Variants in CEP128 observed in about 807,000 individuals in gnomAD.
CEP128 encodes the protein centrosomal protein 128kDa.
A neutral mutation model predicts 156.7 loss-of-function variants in CEP128; 132 were observed. The ratio of observed to expected loss-of-function variants is 0.84; its 90% confidence interval spans 0.73 to 0.97. The LOEUF (loss-of-function observed/expected upper bound fraction) is 0.97. Among genes scored for constraint, CEP128 ranks in the 50% least tolerant of loss-of-function variants. CEP128 has a pLI of 0.00. For synonymous variants in CEP128, 469 were observed against 448.9 expected, an observed-to-expected ratio of 1.04 and a Z score of -0.57; for missense variants, 1,252 against 1,281.9, an observed-to-expected ratio of 0.98 and a Z score of 0.36.
At chr14:80,639,456 C>T (rs1894321480) in intron 19 of CEP128, among the ~76,000 whole-genome samples, 1 of 152,118 alleles carries the variant, frequency 6.6e-6, no homozygotes, top group Admixed American at 6.6e-5. Context: ...TTTAAGACCA[C>T]TGGAATTCTC....
At chr14:80,651,192 G>C (rs1307387647) in intron 19 of CEP128, among the ~76,000 whole-genome samples, 2 of 152,148 alleles carry the variant, frequency 1.3e-5, no homozygotes, top group Non-Finnish European at 2.9e-5. Context: ...AGATTTTCTA[G>C]TTTATTTGCA....
intron 19 of CEP128, among the ~76,000 whole-genome samples, chr14:80,605,404 CAT>C (rs1382591387): frequency 1.7e-4 from 26 of 152,022 alleles, no homozygotes; most frequent in Non-Finnish European, 3.2e-4. Flanking sequence ...ATAATAAAGA[CAT>C]GTGACAAATT....
At chr14:80,499,211 A>G (rs192529434) in intron 24 of CEP128, among the ~76,000 whole-genome samples, 2 of 152,210 alleles carry the variant, frequency 1.3e-5, no homozygotes, top group Non-Finnish European at 2.9e-5. Context: ...GACAGGTTAC[A>G]TATGAAGCAT....
At chr14:80,506,956 T>C (rs1041211762) in intron 23 of CEP128, among the ~76,000 whole-genome samples, 14 of 152,032 alleles carry the variant, frequency 9.2e-5, no homozygotes, top group African/African-American at 3.4e-4. Flanking sequence ...GGATCCCTCA[T>C]GGCTTGGTGC....
chr14:80,525,420 G>A (rs1426513508), intron 23 of CEP128, among the ~76,000 whole-genome samples: 3 of 152,184 alleles, frequency 2.0e-5, no homozygotes, highest in African/African-American at 7.2e-5. Flanking sequence ...TTCTGTGAAT[G>A]TTAAATATGA....
rs148239649 is a variant in CEP128 at position 80,547,256 on chromosome 14, A to G, written c.2880+12023T>C. Among the ~76,000 whole-genome samples, 333 of 152,330 alleles carry G rather than the reference A, an allele frequency of 2.2e-3. 2 individuals are homozygous for G. Among genetic ancestry groups the G allele is most frequent in the African/African-American group, 7.6e-3 (316 of 41,582 alleles). On this transcript the variant is annotated intron_variant, in intron 21 of 24. Coordinates refer to ENST00000555265, the MANE Select transcript of CEP128 (RefSeq NM_152446.5). Reference sequence around the variant, plus strand: ...AGGGCATATTATAACAATCTTAAATATGGTCCCAAAATGTCCATACCCTAT... The same window carrying G: ...AGGGCATATTATAACAATCTTAAATGTGGTCCCAAAATGTCCATACCCTAT...
intron 7 of CEP128, among the ~76,000 whole-genome samples, chr14:80,898,138 A>C (rs949796641): frequency 6.6e-6 from 1 of 152,206 alleles, no homozygotes; most frequent in Non-Finnish European, 1.5e-5. Context: ...ACTTTACTTA[A>C]TCCTTTCTAA....
chr14:80,487,838 G>C (rs1445121598), downstream of CEP128, among the ~76,000 whole-genome samples: 2 of 151,990 alleles, frequency 1.3e-5, no homozygotes, highest in African/African-American at 4.8e-5. Flanking sequence ...CAAGAACAAA[G>C]ACACAACATA....
In CEP128 at chr14:80,743,063, A is replaced by G. The variant is rs367786383; in HGVS notation, c.2806+12T>C. On this transcript the variant is annotated intron_variant, in intron 19 of 24. Coordinates refer to ENST00000555265, the MANE Select transcript of CEP128 (RefSeq NM_152446.5). ...ATAAACAAAGAAAAATGAAAGAACA[A>G]CTAACACACACCTCTCTTCTCACGA... 3.0e-5 allele frequency: 48 copies of G among 1,611,026 alleles called. No individual in the cohort carries two copies. The highest frequency in any genetic ancestry group is 3.8e-5 in the Non-Finnish European group (45 of 1,178,220).
chr14:80,867,401 A>G (rs947415340), intron 8 of CEP128, among the ~76,000 whole-genome samples: 2 of 152,204 alleles, frequency 1.3e-5, no homozygotes, highest in African/African-American at 4.8e-5. Context: ...TACTATTTTT[A>G]TATTGCAATT....
chr14:80,607,833 C>T (rs772406573), intron 19 of CEP128, among the ~76,000 whole-genome samples: 6 of 152,144 alleles, frequency 3.9e-5, no homozygotes, highest in Non-Finnish European at 8.8e-5. Context: ...ATAGCTTCCC[C>T]CACCTTCTCC....
At chr14:80,833,797 A>G (rs748161614) in intron 12 of CEP128, among the ~76,000 whole-genome samples, 1 of 152,186 alleles carries the variant, frequency 6.6e-6, no homozygotes, top group African/African-American at 2.4e-5. Context: ...GGCAGTGGGA[A>G]TAAGAAAGAG....
intron 19 of CEP128, among the ~76,000 whole-genome samples, chr14:80,723,607 C>G (rs1566877820): frequency 6.6e-6 from 1 of 152,116 alleles, no homozygotes; most frequent in South Asian, 2.1e-4. Flanking sequence ...AAAAGTGATA[C>G]CCTTTTTGCA....
chr14:80,538,001 A>G (rs949015309), intron 21 of CEP128, among the ~76,000 whole-genome samples: 4 of 152,160 alleles, frequency 2.6e-5, no homozygotes, highest in Admixed American at 1.3e-4. Flanking sequence ...ATCAATATTA[A>G]TGGTCTTTAT....
intron 13 of CEP128, among the ~76,000 whole-genome samples, chr14:80,793,432 T>C (rs1293714093): frequency 6.6e-6 from 1 of 152,204 alleles, no homozygotes; most frequent in Admixed American, 6.5e-5. Flanking sequence ...AACAACCTAG[T>C]GTTTTGTCCA....
At chr14:80,686,596 TG>T (rs1394722180) in intron 19 of CEP128, among the ~76,000 whole-genome samples, 1 of 152,082 alleles carries the variant, frequency 6.6e-6, no homozygotes, top group Non-Finnish European at 1.5e-5. Flanking sequence ...TAAACGTAAA[TG>T]GGCTAAATGC....
intron 21 of CEP128, among the ~76,000 whole-genome samples, chr14:80,547,862 G>C (rs918538463): frequency 4.7e-5 from 7 of 149,630 alleles, no homozygotes; most frequent in Non-Finnish European, 7.4e-5. Context: ...GCAATGGCAC[G>C]ATCTCAGCTC....
At chr14:80,568,084 T>C (rs551621404) in intron 20 of CEP128, among the ~76,000 whole-genome samples, 5 of 152,172 alleles carry the variant, frequency 3.3e-5, no homozygotes, top group Admixed American at 6.5e-5. Context: ...GCAGAACTTG[T>C]GGAAAATAAG....
In CEP128 at chr14:80,497,433, T is replaced by C. The variant is rs749294147; in HGVS notation, c.*46A>G. 7.8e-7 allele frequency: 1 copy of C among 1,277,524 alleles called. No homozygotes were observed. Among genetic ancestry groups the C allele is most frequent in the Non-Finnish European group, 1.1e-6 (1 of 884,500 alleles). 79.1% of individuals were successfully genotyped at this position (1,277,524 alleles called of 1,614,324 possible). ...AATTGCTGTAAGAATAGAGATGTTATTATTTGTAACATACTCATGTAAAAT... is the reference window on the plus strand; with the variant it reads ...AATTGCTGTAAGAATAGAGATGTTACTATTTGTAACATACTCATGTAAAAT... On this transcript the variant is annotated 3_prime_UTR_variant, in exon 25 of 25. Transcript: ENST00000555265.
Sources: allele counts gnomAD v4.1 joint callset (sites outside exome capture counted in the v4.1 genomes callset), GRCh38; gene constraint gnomAD v4.1.1; transcripts MANE v1.5; gene names NCBI Gene and HGNC (gene_info 2026-07-23, HGNC 2026-07-21).